Variants in GALNT10 observed in about 807,000 individuals in gnomAD.
GALNT10 encodes GalNAc transferase 10.
A neutral mutation model predicts 75.0 loss-of-function variants in GALNT10; 41 were observed. The observed-to-expected ratio is 0.55, with a 90% confidence interval of 0.43 to 0.71. The LOEUF is 0.71. GALNT10 is among the 30% of genes least tolerant of loss of function. The probability of loss-of-function intolerance (pLI) is 0.00; values close to 1 mark genes in which losing one functional copy is unlikely to be tolerated. For synonymous variants in GALNT10, 302 were observed against 313.0 expected, an observed-to-expected ratio of 0.96 and a Z score of 0.37; for missense variants, 727 against 818.5, an observed-to-expected ratio of 0.89 and a Z score of 1.36.
At chr5:154,217,296 A>T (rs1451473740) in intron 1 of GALNT10, among the ~76,000 whole-genome samples, 1 of 152,054 alleles carries the variant, frequency 6.6e-6, no homozygotes, top group Non-Finnish European at 1.5e-5. Flanking sequence ...CCTCTGAGAG[A>T]TGCCCATGGA....
intron 1 of GALNT10, among the ~76,000 whole-genome samples, chr5:154,261,064 G>C (rs1181389492): frequency 1.3e-5 from 2 of 151,750 alleles, no homozygotes; most frequent in Non-Finnish European, 2.9e-5. Context: ...TGGGGCGGGG[G>C]TGGGGACACC....
chr5:154,200,924 A>T (rs1320224142), intron 1 of GALNT10, among the ~76,000 whole-genome samples: 1 of 152,214 alleles, frequency 6.6e-6, no homozygotes, highest in African/African-American at 2.4e-5. Context: ...ACCAGTACCT[A>T]ACCATGAGAA....
rs137877821 is a variant in GALNT10 at position 154,324,833 on chromosome 5, A to T, written c.402-4739A>T. ...TCCTCTTATTCCTCTTCTGAACTAA[A>T]GCTAAATCATAGAGTTTATTGAAAT... On this transcript the variant is annotated intron_variant, in intron 3 of 11. Transcript: ENST00000297107. Among the ~76,000 whole-genome samples, 4 of 152,332 alleles carry T rather than the reference A, an allele frequency of 2.6e-5. No homozygotes were observed. In the East Asian group the frequency reaches 7.7e-4, roughly 29 times the overall value.
At chr5:154,297,825 A>G (rs1232766737) in intron 2 of GALNT10, 116 bp from the exon 3 acceptor site, 4 of 908,844 alleles carry the variant, frequency 4.4e-6, no homozygotes, top group Non-Finnish European at 6.9e-6. Flanking sequence ...GCTATGCTCT[A>G]TATCCAAATC....
At chr5:154,191,240 A>G (rs895492872) in intron 1 of GALNT10, among the ~76,000 whole-genome samples, 1 of 152,062 alleles carries the variant, frequency 6.6e-6, no homozygotes, top group African/African-American at 2.4e-5. Context: ...AGCACTCAGG[A>G]CGCTATTTCT....
At chr5:154,330,664 A>T (rs1175662803) in intron 4 of GALNT10, among the ~76,000 whole-genome samples, 1 of 152,224 alleles carries the variant, frequency 6.6e-6, no homozygotes, top group Non-Finnish European at 1.5e-5. Flanking sequence ...CCCTTCAGCC[A>T]GTGGCCTCAA....
chr5:154,364,796 A>G (rs1186786114), intron 4 of GALNT10, among the ~76,000 whole-genome samples: 1 of 152,130 alleles, frequency 6.6e-6, no homozygotes, highest in Non-Finnish European at 1.5e-5. Context: ...AGCAGCTACC[A>G]GAAGCCCACA....
chr5:154,283,456 T>TA (rs941867958), intron 1 of GALNT10, among the ~76,000 whole-genome samples: 10 of 151,454 alleles, frequency 6.6e-5, no homozygotes, highest in African/African-American at 1.5e-4. Flanking sequence ...TCCTATCTCT[T>TA]AAAAAAAATA....
At chr5:154,303,107 C>T (rs1017145274) in intron 3 of GALNT10, among the ~76,000 whole-genome samples, 1 of 151,846 alleles carries the variant, frequency 6.6e-6, no homozygotes, top group African/African-American at 2.4e-5. Flanking sequence ...AAACAACACC[C>T]CCCACCCAAA....
chr5:154,317,231 T>C (rs1230898694), intron 3 of GALNT10, among the ~76,000 whole-genome samples: 1 of 152,212 alleles, frequency 6.6e-6, no homozygotes, highest in East Asian at 1.9e-4. Context: ...GTTTGATCTG[T>C]GGATGGTGTC....
intron 7 of GALNT10, among the ~76,000 whole-genome samples, chr5:154,401,918 T>A (rs1756174803): frequency 6.6e-6 from 1 of 152,110 alleles, no homozygotes; most frequent in African/African-American, 2.4e-5. Flanking sequence ...CTGCCCCCCA[T>A]TCCACAAATG....
At chr5:154,319,392 A>T (rs966041566) in intron 3 of GALNT10, among the ~76,000 whole-genome samples, 32 of 152,308 alleles carry the variant, frequency 2.1e-4, no homozygotes, top group African/African-American at 7.0e-4. Flanking sequence ...TGTCTTCCAG[A>T]CTTTTGTGCT....
chr5:154,294,996 G>A (rs1472668423), intron 2 of GALNT10, 78 bp downstream of exon 2: 2 of 725,544 alleles, frequency 2.8e-6, no homozygotes, highest in Non-Finnish European at 5.0e-6. Flanking sequence ...GTGTGTGTGT[G>A]TGTGTGTGTG....
chr5:154,358,206 A>G (rs1755325886), intron 4 of GALNT10, among the ~76,000 whole-genome samples: 1 of 152,182 alleles, frequency 6.6e-6, no homozygotes, highest in African/African-American at 2.4e-5. Flanking sequence ...TCTGATCTTG[A>G]TAAGGGGAAG....
At position 154,416,318 on chromosome 5, in the gene GALNT10, A is replaced by AG. The variant is rs1219550161; in HGVS notation, c.1653+387dup. ...CATGGTGGCTCATGCCTGTACTCCCAGCTACTCGGGAGGCCGAGGCAGGAG... is the reference window on the plus strand; with the variant it reads ...CATGGTGGCTCATGCCTGTACTCCCAGGCTACTCGGGAGGCCGAGGCAGGAG... On this transcript the variant is annotated intron_variant, in intron 11 of 11. Coordinates refer to ENST00000297107, the MANE Select transcript of GALNT10 (RefSeq NM_198321.4). This position sits in a 1 kb window ranked among gnomAD's most constrained non-coding sequence, Gnocchi z 4.5. Among the ~76,000 whole-genome samples, 1 of 152,284 alleles carries AG rather than the reference A, an allele frequency of 6.6e-6. No homozygotes were observed. The highest frequency in any genetic ancestry group is 1.9e-4 in the East Asian group (1 of 5,186).
At chr5:154,405,326 G>A (rs554243109) in intron 8 of GALNT10, among the ~76,000 whole-genome samples, 18 of 152,354 alleles carry the variant, frequency 1.2e-4, no homozygotes, top group Admixed American at 8.5e-4. Flanking sequence ...GTGGGTGGGA[G>A]CTGAGCTCCG....
At chr5:154,337,609 CA>C in intron 4 of GALNT10, 1 of 868,806 alleles carries the variant, frequency 1.2e-6, no homozygotes, top group Non-Finnish European at 1.9e-6. Flanking sequence ...TTCATGGGTC[CA>C]AAATTTGAAG....
chr5:154,405,873 G>GT (rs1370241642), intron 8 of GALNT10, among the ~76,000 whole-genome samples: 13 of 90,902 alleles, frequency 1.4e-4, no homozygotes, highest in South Asian at 1.0e-3. Context: ...TGTTGTTGCT[G>GT]TTGTTTTTTT....
intron 1 of GALNT10, among the ~76,000 whole-genome samples, chr5:154,253,380 C>T (rs1474366029): frequency 2.8e-5 from 3 of 106,416 alleles, no homozygotes; most frequent in South Asian, 2.9e-4. Flanking sequence ...CATCACACAC[C>T]GGGGACTGTT....
Sources: allele counts gnomAD v4.1 joint callset (sites outside exome capture counted in the v4.1 genomes callset), GRCh38; gene constraint gnomAD v4.1.1; non-coding constraint Gnocchi (gnomAD v3.1); transcripts MANE v1.5; gene names NCBI Gene and HGNC (gene_info 2026-07-23, HGNC 2026-07-21).